The following SLC7A14 variants were observed in gnomAD, a reference collection of about 807,000 sequenced individuals.
The protein encoded by SLC7A14 is solute carrier family 7 member 14, also known as gamma-aminobutyric acid transporter SLC7A14.
A neutral mutation model predicts 60.2 loss-of-function variants in SLC7A14; 37 were observed. That is an observed-to-expected ratio of 0.61 (90% CI 0.47 to 0.81). The LOEUF is 0.81. SLC7A14 is among the 30% of genes least tolerant of loss of function. SLC7A14 has a pLI of 0.00. For synonymous variants in SLC7A14, 399 were observed against 395.8 expected (o/e 1.01, Z -0.10); for missense variants, 886 against 982.7 (o/e 0.90, Z 1.32).
At position 170,467,029 on chromosome 3, in the gene SLC7A14, C is replaced by A. The variant is rs765118485; in HGVS notation, c.*26G>T. On this transcript the variant is annotated 3_prime_UTR_variant, in exon 8 of 8. Transcript: ENST00000231706. The stretch of plus-strand genomic sequence containing the variant: ...TAAGTTACTGAAAATCAGTCATCAC[C>A]ATTTCTACCCACTTGTGTGTTTCTC... 6.5e-7 allele frequency: 1 copy of A among 1,548,758 alleles called. No homozygotes were observed. The highest frequency in any genetic ancestry group is 1.9e-5 in the Admixed American group (1 of 52,652).
At chr3:170,522,200 A>G (rs561850757) in intron 2 of SLC7A14, among the ~76,000 whole-genome samples, 36 of 152,368 alleles carry the variant, frequency 2.4e-4, no homozygotes, top group Non-Finnish European at 4.0e-4. Context: ...CAAGTCAAAT[A>G]TAATACAGCT....
At position 170,467,306 on chromosome 3, in the gene SLC7A14, G is replaced by T. The variant is rs1467959608; in HGVS notation, c.2065C>A (p.His689Asn). 6.2e-7 allele frequency: 1 copy of T among 1,614,074 alleles called. No homozygotes were observed. Among genetic ancestry groups the T allele is most frequent in the Non-Finnish European group, 8.5e-7 (1 of 1,179,976 alleles). ...TCGTAGCGTTGGTACGTGCTTTGGT[G>T]CAGGGCCTCTTCTCGAGCGCTGATT... ...LEISAREEAL[H>N]QSTYQRYDVD... Residue 689 changes from histidine (H) to asparagine (N), a missense_variant, in exon 8 of 8, where the codon CAC becomes AAC. Transcript: ENST00000231706.
At chr3:170,536,048 G>A (rs1193190359) in intron 1 of SLC7A14, among the ~76,000 whole-genome samples, 2 of 152,206 alleles carry the variant, frequency 1.3e-5, no homozygotes, top group African/African-American at 2.4e-5. Context: ...TTTGAAGTCT[G>A]AACAGTGAGG....
intron 2 of SLC7A14, among the ~76,000 whole-genome samples, chr3:170,510,863 T>G (rs1712958829): frequency 1.3e-5 from 2 of 152,256 alleles, no homozygotes; most frequent in South Asian, 4.1e-4. Flanking sequence ...TGAAGGCGCA[T>G]GTTTTCTTGG....
intron 5 of SLC7A14, among the ~76,000 whole-genome samples, chr3:170,484,822 C>A (rs760200288): frequency 6.6e-6 from 1 of 152,084 alleles, no homozygotes; most frequent in African/African-American, 2.4e-5. Flanking sequence ...TAACCACTTG[C>A]AATATTTCCT....
chr3:170,577,347 G>A (rs1271232789), intron 1 of SLC7A14, among the ~76,000 whole-genome samples: 8 of 152,088 alleles, frequency 5.3e-5, no homozygotes, highest in African/African-American at 1.9e-4. Flanking sequence ...GGCCGGGCGC[G>A]GTGGCTCACG....
intron 4 of SLC7A14, among the ~76,000 whole-genome samples, chr3:170,487,459 G>A (rs759588957): frequency 6.6e-6 from 1 of 151,844 alleles, no homozygotes; most frequent in Non-Finnish European, 1.5e-5. Flanking sequence ...TGGTCCAGGA[G>A]GTGAGACCCA....
At position 170,544,970 on chromosome 3, in the gene SLC7A14, C is replaced by T. The variant is rs544039022; in HGVS notation, c.-152-17882G>A. On this transcript the variant is annotated intron_variant, in intron 1 of 7. Coordinates refer to ENST00000231706, the MANE Select transcript of SLC7A14 (RefSeq NM_020949.3). ...TTTTCTGTGCGGTCTAATACAGTGG[C>T]CACTAGCTACATGTGGCTATTGAAC... Among the ~76,000 whole-genome samples, 4 of 152,272 alleles carry T rather than the reference C, an allele frequency of 2.6e-5. No individual in the cohort carries two copies. The East Asian group carries it at 7.7e-4, about 29-fold the overall frequency.
chr3:170,499,650 A>AG (rs34476808), intron 3 of SLC7A14, among the ~76,000 whole-genome samples: 32,672 of 152,122 alleles, frequency 0.21, 5,232 homozygotes, highest in African/African-American at 0.45. Context: ...AATGATGGTA[A>AG]GAGGGGTTTT....
Position 170,516,073 on chromosome 3 carries a change from GT to G in SLC7A14, c.304+10559del, listed in dbSNP as rs374267944. On this transcript the variant is annotated intron_variant, in intron 2 of 7. Coordinates refer to ENST00000231706, the MANE Select transcript of SLC7A14 (RefSeq NM_020949.3). ...TGCAGAAGATGTAAAAGAAGCCCAG[GT>G]TTTCCTGGCTTTGCTGGAGGAAACT... Among the ~76,000 whole-genome samples, 211 of 152,232 alleles carry G rather than the reference GT, an allele frequency of 1.4e-3. 1 individual carries two copies. Among genetic ancestry groups the G allele is most frequent in the African/African-American group, 5.0e-3 (209 of 41,516 alleles).
At chr3:170,514,622 T>C (rs1206892966) in intron 2 of SLC7A14, among the ~76,000 whole-genome samples, 2 of 152,218 alleles carry the variant, frequency 1.3e-5, no homozygotes, top group Admixed American at 1.3e-4. Flanking sequence ...AGAAGAGAAT[T>C]CTTCTTGGGC....
At chr3:170,515,316 C>T (rs1409183670) in intron 2 of SLC7A14, among the ~76,000 whole-genome samples, 5 of 97,238 alleles carry the variant, frequency 5.1e-5, no homozygotes, top group East Asian at 2.2e-4. Context: ...CTGTCCGCCC[C>T]CCCCAAAAAA....
intron 1 of SLC7A14, among the ~76,000 whole-genome samples, chr3:170,540,874 T>G (rs1175641603): frequency 6.6e-6 from 1 of 152,230 alleles, no homozygotes; most frequent in Non-Finnish European, 1.5e-5. Context: ...TAAGTTTGAA[T>G]GTATTCCTCA....
intron 1 of SLC7A14, among the ~76,000 whole-genome samples, chr3:170,559,754 C>T (rs1219360627): frequency 6.6e-6 from 1 of 152,128 alleles, no homozygotes; most frequent in Non-Finnish European, 1.5e-5. Context: ...TTTTATCTTT[C>T]ACTTTCTCCT....
intron 2 of SLC7A14, among the ~76,000 whole-genome samples, chr3:170,515,389 G>A (rs1428867649): frequency 1.3e-5 from 2 of 151,780 alleles, no homozygotes; most frequent in Admixed American, 6.6e-5. Flanking sequence ...ATAAAAGGGC[G>A]AGGCTGCTCA....
At chr3:170,484,937 T>C (rs1387363835) in intron 5 of SLC7A14, among the ~76,000 whole-genome samples, 3 of 152,144 alleles carry the variant, frequency 2.0e-5, no homozygotes, top group Admixed American at 1.3e-4. Flanking sequence ...TGGTGGATCA[T>C]AGAAGTACTC....
intron 1 of SLC7A14, among the ~76,000 whole-genome samples, chr3:170,548,273 C>A (rs1342405365): frequency 6.6e-6 from 1 of 152,120 alleles, no homozygotes; most frequent in East Asian, 1.9e-4. Context: ...TTTCAATTCT[C>A]CTACCCAGTG....
At chr3:170,526,594 C>G (rs1167932813) in intron 2 of SLC7A14, 39 bp downstream of exon 2, 1 of 1,594,064 alleles carries the variant, frequency 6.3e-7, no homozygotes, top group Admixed American at 1.7e-5. Context: ...GGCTGGTAAG[C>G]ACACTTTCCA....
At chr3:170,572,791 C>T (rs1714990817) in intron 1 of SLC7A14, among the ~76,000 whole-genome samples, 1 of 152,206 alleles carries the variant, frequency 6.6e-6, no homozygotes, top group Non-Finnish European at 1.5e-5. Flanking sequence ...TTTTCTTCCT[C>T]TGCATTGTGA....
Sources: gnomAD v4.1 joint callset for allele counts (sites outside exome capture counted in the v4.1 genomes callset) on GRCh38, gnomAD v4.1.1 for gene constraint, MANE v1.5 for transcripts, NCBI Gene and HGNC (gene_info 2026-07-23, HGNC 2026-07-21) for gene names.